The following GUCY1A2 variants were observed in gnomAD, a reference collection of about 807,000 sequenced individuals.
GUCY1A2 encodes the protein guanylate cyclase 1 soluble subunit alpha 2, also known as guanylate cyclase soluble subunit alpha-2.
GUCY1A2 carries 27 observed loss-of-function variants against 63.5 expected under a neutral mutation model. That is an observed-to-expected ratio of 0.43 (90% CI 0.31 to 0.59). The LOEUF (loss-of-function observed/expected upper bound fraction) is 0.59. Ranked by LOEUF, GUCY1A2 falls within the 20% of genes least tolerant of loss-of-function variation. The pLI, the probability that GUCY1A2 is intolerant of heterozygous loss-of-function variation, is 0.11. For synonymous variants in GUCY1A2, 364 were observed against 343.5 expected, an observed-to-expected ratio of 1.06 and a Z score of -0.66; for missense variants, 768 against 913.3, an observed-to-expected ratio of 0.84 and a Z score of 2.05.
At chr11:106,901,660 C>T (rs1356215845) in intron 4 of GUCY1A2, among the ~76,000 whole-genome samples, 4 of 139,834 alleles carry the variant, frequency 2.9e-5, no homozygotes, top group Admixed American at 1.5e-4. Flanking sequence ...CAACAGGCCT[C>T]GGTGTGTGAT....
At chr11:106,744,755 G>GA (rs1863757333) in intron 6 of GUCY1A2, among the ~76,000 whole-genome samples, 1 of 152,136 alleles carries the variant, frequency 6.6e-6, no homozygotes, top group Non-Finnish European at 1.5e-5. Context: ...TGGAGTGGGG[G>GA]ATGGGGCAGA....
At chr11:106,769,677 T>C (rs964623072) in intron 6 of GUCY1A2, among the ~76,000 whole-genome samples, 7 of 152,178 alleles carry the variant, frequency 4.6e-5, no homozygotes, top group African/African-American at 7.2e-5. Context: ...TCCATATTAC[T>C]GTTACAATAG....
At chr11:106,865,362 G>GT (rs537574480) in intron 4 of GUCY1A2, among the ~76,000 whole-genome samples, 7 of 151,968 alleles carry the variant, frequency 4.6e-5, no homozygotes, top group African/African-American at 1.4e-4. Context: ...TTTTTGAAGG[G>GT]TTTTTTGTGT....
chr11:106,805,187 T>C (rs1056195010), intron 5 of GUCY1A2, among the ~76,000 whole-genome samples: 2 of 152,162 alleles, frequency 1.3e-5, no homozygotes, highest in Non-Finnish European at 2.9e-5. Context: ...ACTTAGAGGC[T>C]GTGATGGGAA....
intron 5 of GUCY1A2, among the ~76,000 whole-genome samples, chr11:106,800,704 C>G (rs1021909158): frequency 1.3e-5 from 2 of 151,938 alleles, no homozygotes; most frequent in African/African-American, 4.8e-5. Flanking sequence ...TACTTGGACA[C>G]AGGAAGGGGA....
At chr11:106,809,152 G>A (rs2029303) in intron 5 of GUCY1A2, among the ~76,000 whole-genome samples, 138,793 of 152,148 alleles carry the variant, frequency 0.91, 63,384 homozygotes, top group East Asian at 1. Context: ...AGATCATACT[G>A]TAAAAATAAG....
At chr11:106,790,390 T>C (rs1345445013) in intron 5 of GUCY1A2, among the ~76,000 whole-genome samples, 1 of 151,556 alleles carries the variant, frequency 6.6e-6, no homozygotes, top group African/African-American at 2.4e-5. Flanking sequence ...TTTGGGGCAA[T>C]GGGCTGCCCT....
Position 106,916,822 on chromosome 11 carries a change from C to A in GUCY1A2, c.1206+22638G>T, listed in dbSNP as rs566739549. Among the ~76,000 whole-genome samples the A allele has an allele frequency of 1.1e-3, 154 of 145,318 alleles. 5 individuals carry two copies. The highest frequency in any genetic ancestry group is 3.6e-3 in the African/African-American group (147 of 40,986). On this transcript the variant is annotated intron_variant, in intron 4 of 7. Transcript: ENST00000526355. ...GTCTGCTCTTTCATATGAAAGACAA[C>A]TTACATAAAATTTATAAACACTTGC...
At chr11:106,905,564 T>C (rs1187566463) in intron 4 of GUCY1A2, among the ~76,000 whole-genome samples, 2 of 152,148 alleles carry the variant, frequency 1.3e-5, no homozygotes, top group East Asian at 1.9e-4. Context: ...ACTCAGTCCA[T>C]ATCACTTAGA....
chr11:106,752,536 G>A (rs1010758864), intron 6 of GUCY1A2, among the ~76,000 whole-genome samples: 15 of 150,668 alleles, frequency 1.0e-4, no homozygotes, highest in African/African-American at 3.2e-4. Flanking sequence ...AGCAGGCCCT[G>A]GTGTGTGATG....
intron 4 of GUCY1A2, among the ~76,000 whole-genome samples, chr11:106,877,766 A>G (rs1037773973): frequency 6.6e-6 from 1 of 152,172 alleles, no homozygotes; most frequent in African/African-American, 2.4e-5. Context: ...AAAAGCAAAA[A>G]TTGACAAATG....
At chr11:106,907,511 C>T (rs1214539111) in intron 4 of GUCY1A2, among the ~76,000 whole-genome samples, 1 of 151,980 alleles carries the variant, frequency 6.6e-6, no homozygotes, top group African/African-American at 2.4e-5. Context: ...CCCATTAACT[C>T]GTCGTTTAGC....
At chr11:106,839,892 GAGATAT>G (rs1354666580) in intron 4 of GUCY1A2, among the ~76,000 whole-genome samples, 2 of 150,904 alleles carry the variant, frequency 1.3e-5, no homozygotes, top group Non-Finnish European at 3.0e-5. Context: ...ATAGCATTAG[GAGATAT>G]ACCTAGTGTA....
At chr11:106,831,207 T>G (rs946906237) in intron 4 of GUCY1A2, among the ~76,000 whole-genome samples, 5 of 152,164 alleles carry the variant, frequency 3.3e-5, no homozygotes, top group Non-Finnish European at 7.3e-5. Context: ...GCCACATAAA[T>G]CATAATATCA....
At chr11:106,764,970 T>G (rs868746155) in intron 6 of GUCY1A2, among the ~76,000 whole-genome samples, 332 of 92,380 alleles carry the variant, frequency 3.6e-3, no homozygotes, top group African/African-American at 0.01. Flanking sequence ...CAGATTTTTT[T>G]GGGGGGGGGT....
rs143948462 is a variant in GUCY1A2 at position 106,903,391 on chromosome 11, T to G, written c.1206+36069A>C. Among the ~76,000 whole-genome samples, 951 of 152,280 alleles carry G rather than the reference T, an allele frequency of 6.2e-3. 2 individuals are homozygous for G. The highest frequency in any genetic ancestry group is 8.2e-3 in the Non-Finnish European group (556 of 68,024). ...CTCTAGAGAAACAATGATATGGAAT[T>G]TCTTTATATTACATTTCAGCTTTAC... On this transcript the variant is annotated intron_variant, in intron 4 of 7. Transcript: ENST00000526355.
intron 4 of GUCY1A2, among the ~76,000 whole-genome samples, chr11:106,815,515 A>G (rs1344109294): frequency 6.6e-6 from 1 of 150,552 alleles, no homozygotes; most frequent in Non-Finnish European, 1.5e-5. Flanking sequence ...GTATAATAAT[A>G]ATAATAAAAA....
chr11:106,782,124 G>A (rs1864475949), intron 5 of GUCY1A2, among the ~76,000 whole-genome samples: 2 of 152,130 alleles, frequency 1.3e-5, no homozygotes, highest in Non-Finnish European at 2.9e-5. Flanking sequence ...CCATGGGACT[G>A]GTGACCACCT....
At chr11:106,924,369 G>C (rs567031250) in intron 4 of GUCY1A2, among the ~76,000 whole-genome samples, 1 of 152,138 alleles carries the variant, frequency 6.6e-6, no homozygotes, top group African/African-American at 2.4e-5. Context: ...ATTGATCCTA[G>C]ACTCCATAAA....
Sources: gnomAD v4.1 joint callset for allele counts (sites outside exome capture counted in the v4.1 genomes callset) on GRCh38, gnomAD v4.1.1 for gene constraint, MANE v1.5 for transcripts, NCBI Gene and HGNC (gene_info 2026-07-23, HGNC 2026-07-21) for gene names.